The following PFKFB2 variants were observed in gnomAD, a reference collection of about 807,000 sequenced individuals.
PFKFB2 encodes 6-phosphofructo-2-kinase/fructose-2,6-biphosphatase 2.
In PFKFB2, 53 loss-of-function variants were observed where a neutral mutation model predicts 68.0. The ratio of observed to expected loss-of-function variants is 0.78; its 90% CI spans 0.63 to 0.98. The LOEUF is 0.98. Ranked by LOEUF, PFKFB2 falls within the 50% of genes least tolerant of loss-of-function variation. The pLI, the probability that PFKFB2 is intolerant of heterozygous loss-of-function variation, is 0.00. For missense variants in PFKFB2, 451 were observed against 642.0 expected, an observed-to-expected ratio of 0.70 and a Z score of 3.22; for synonymous variants, 222 against 227.6, an observed-to-expected ratio of 0.98 and a Z score of 0.22.
In PFKFB2 at chr1:207,070,156, G is replaced by T; in HGVS notation, c.1093-124G>T. 9.1e-7 allele frequency: 1 copy of T among 1,099,904 alleles called. No homozygotes were observed. The highest frequency in any genetic ancestry group is 1.3e-6 in the Non-Finnish European group (1 of 763,780). 68.1% of individuals were successfully genotyped at this position (1,099,904 alleles called of 1,614,324 possible). ...AGTTAGCAGGTGATGTAAACTCACTGAGCCTCCAGGAGGAAAGCCAGCTGA... is the reference window on the plus strand; with the variant it reads ...AGTTAGCAGGTGATGTAAACTCACTTAGCCTCCAGGAGGAAAGCCAGCTGA... On this transcript the variant is annotated intron_variant, in intron 11 of 14. Coordinates refer to ENST00000367080, the MANE Select transcript of PFKFB2 (RefSeq NM_006212.2). The surrounding 1 kb of genome is among the most constrained non-coding windows in gnomAD (Gnocchi z 4.2).
chr1:207,060,962 A>ATATATATCTATATATC, intron 2 of PFKFB2: 1 of 140,306 alleles, frequency 7.1e-6, no homozygotes, highest in African/African-American at 2.8e-5. Context: ...TAAGTTAAAT[A>ATATATATCTATATATC]TATATATCTA....
chr1:207,050,920 C>T (rs1326075064), upstream of PFKFB2: 12 of 1,596,398 alleles, frequency 7.5e-6, no homozygotes, highest in Non-Finnish European at 9.4e-6. Flanking sequence ...TGCCCACAGG[C>T]CAGGCACCCG....
intron 10 of PFKFB2, among the ~76,000 whole-genome samples, chr1:207,068,550 C>G (rs1175189313): frequency 6.6e-6 from 1 of 152,070 alleles, no homozygotes; most frequent in Admixed American, 6.5e-5. Flanking sequence ...TTGAGCCAGC[C>G]TTTCTGGCAC....
At position 207,077,322 on chromosome 1, in the gene PFKFB2, G is replaced by A. The variant is rs1041249268; in HGVS notation, c.*4951G>A. 1.0e-6 allele frequency: 1 copy of A among 985,138 alleles called. No homozygotes were observed. The highest frequency in any genetic ancestry group is 1.2e-6 in the Non-Finnish European group (1 of 829,684). 61.0% of individuals were successfully genotyped at this position (985,138 alleles called of 1,614,324 possible). On this transcript the variant is annotated 3_prime_UTR_variant, in exon 15 of 15. Coordinates refer to ENST00000367080, the MANE Select transcript of PFKFB2 (RefSeq NM_006212.2). ...TAAGTAAAAATGAGAAGAAAATTTGGCATTTAAAAATTGATTTTAAGGGTT... is the reference window on the plus strand; with the variant it reads ...TAAGTAAAAATGAGAAGAAAATTTGACATTTAAAAATTGATTTTAAGGGTT...
chr1:207,056,682 A>G (rs904853851), intron 2 of PFKFB2, among the ~76,000 whole-genome samples: 1 of 151,566 alleles, frequency 6.6e-6, no homozygotes, highest in Admixed American at 6.6e-5. Context: ...TCCATACTCT[A>G]GTTTCTCTAA....
At chr1:207,064,657 A>G (rs968355485) in intron 7 of PFKFB2, among the ~76,000 whole-genome samples, 4 of 152,162 alleles carry the variant, frequency 2.6e-5, no homozygotes, top group African/African-American at 9.7e-5. Flanking sequence ...TCTGAGGAAG[A>G]GCCATCTGGT....
chr1:207,078,993 G>A (rs560022632), downstream of PFKFB2: 311 of 1,611,924 alleles, frequency 1.9e-4, 2 homozygotes, highest in Admixed American at 3.0e-3. Flanking sequence ...ACGCCCCTCC[G>A]CAGCGTCCCT....
chr1:207,079,295 T>C, downstream of PFKFB2: 1 of 535,410 alleles, frequency 1.9e-6, no homozygotes. Context: ...TGGTCCAAGT[T>C]GGTCAATCTC....
intron 2 of PFKFB2, among the ~76,000 whole-genome samples, chr1:207,057,899 T>C (rs569919443): frequency 5.9e-5 from 9 of 152,204 alleles, no homozygotes; most frequent in Admixed American, 2.0e-4. Context: ...GTTTCCAGTT[T>C]TTCATCATCA....
intron 11 of PFKFB2, among the ~76,000 whole-genome samples, chr1:207,069,791 C>A (rs958268173): frequency 6.6e-5 from 10 of 152,058 alleles, no homozygotes; most frequent in Non-Finnish European, 1.5e-4. Context: ...TTTCCTTGTA[C>A]TCTCTCAATC....
chr1:207,044,248 C>A (rs1363739562), intron 2 of PFKFB2: 1 of 152,348 alleles, frequency 6.6e-6, no homozygotes, highest in Admixed American at 6.6e-5. Context: ...GTTCTCTAAC[C>A]CTTTTCACAA....
chr1:207,061,405 T>C (rs1029923419), intron 2 of PFKFB2, among the ~76,000 whole-genome samples: 14 of 151,510 alleles, frequency 9.2e-5, no homozygotes, highest in Non-Finnish European at 1.5e-4. Flanking sequence ...ACCTCAGACA[T>C]GTGGGAAAGA....
intron 2 of PFKFB2, among the ~76,000 whole-genome samples, chr1:207,061,364 TC>T (rs1683112607): frequency 6.6e-6 from 1 of 150,944 alleles, no homozygotes; most frequent in African/African-American, 2.4e-5. Context: ...GCTACTTTTT[TC>T]CTCTTTCCAC....
At chr1:207,051,114 T>TAAA, upstream of PFKFB2, 1 of 1,427,396 alleles carries the variant, frequency 7.0e-7, no homozygotes, top group Non-Finnish European at 9.1e-7. Flanking sequence ...CGAACTCTTT[T>TAAA]AAAGTGACAA....
intron 2 of PFKFB2, among the ~76,000 whole-genome samples, chr1:207,057,871 C>T (rs917573998): frequency 6.6e-6 from 1 of 152,148 alleles, no homozygotes; most frequent in African/African-American, 2.4e-5. Context: ...CAGCTTTCCA[C>T]GGATAGGTAT....
Position 207,075,466 on chromosome 1 carries a change from T to A in PFKFB2, c.*3095T>A, listed in dbSNP as rs774918526. On this transcript the variant is annotated 3_prime_UTR_variant, in exon 15 of 15. Coordinates refer to ENST00000367080, the MANE Select transcript of PFKFB2 (RefSeq NM_006212.2). ...AGAGAAGTTTCAGCTCTACTTCTCA[T>A]CTTTTCTCTCCTGGTCTTACTTGAA... 53 of 985,312 alleles carry A rather than the reference T, an allele frequency of 5.4e-5. No individual in the cohort carries two copies. The highest frequency in any genetic ancestry group is 6.4e-5 in the Non-Finnish European group (53 of 829,890). 61.0% of individuals were successfully genotyped at this position (985,312 alleles called of 1,614,324 possible).
At chr1:207,034,568 C>G (rs1486643859) in intron 1 of PFKFB2, 1 of 152,198 alleles carries the variant, frequency 6.6e-6, no homozygotes, top group African/African-American at 2.4e-5. Context: ...TGAACAGACA[C>G]AGTTTTTCAG....
chr1:207,070,813 C>T lies in PFKFB2; in HGVS notation c.1223-375C>T, dbSNP rs1003787872. 8.4e-5 allele frequency: 23 copies of T among 273,580 alleles called. No homozygotes were observed. Among genetic ancestry groups the T allele is most frequent in the South Asian group, 6.3e-4 (14 of 22,154 alleles). The allele number at this position is 273,580 out of a possible 1,614,324, so 16.9% of individuals were successfully genotyped here. On this transcript the variant is annotated intron_variant, in intron 12 of 14. Transcript: ENST00000367080. The surrounding 1 kb of genome is among the most constrained non-coding windows in gnomAD (Gnocchi z 4.2). ...TTGCCTTCTTCCATACTTCGCTTCC[C>T]GATCTTCGGGAGCTCCTGGGAAGCC...
intron 2 of PFKFB2, among the ~76,000 whole-genome samples, chr1:207,060,027 G>A (rs527555627): frequency 3.3e-5 from 5 of 152,246 alleles, no homozygotes; most frequent in African/African-American, 9.6e-5. Flanking sequence ...CATTGGAGCC[G>A]GCAGAGCCTG....
Sources: allele counts gnomAD v4.1 joint callset (sites outside exome capture counted in the v4.1 genomes callset), GRCh38; gene constraint gnomAD v4.1.1; non-coding constraint Gnocchi (gnomAD v3.1); transcripts MANE v1.5; gene names NCBI Gene and HGNC (gene_info 2026-07-23, HGNC 2026-07-21).